CDH13: variants seen among roughly 807,000 people sequenced by gnomAD.
The protein encoded by CDH13 is cadherin-13.
In CDH13, 24 loss-of-function variants were observed where a neutral mutation model predicts 63.8. That is an observed-to-expected ratio of 0.38 (90% CI 0.27 to 0.53). The LOEUF (loss-of-function observed/expected upper bound fraction) is 0.53. CDH13 is among the 20% of genes least tolerant of loss of function. The pLI is 0.85. For missense variants in CDH13, 1,049 were observed against 903.1 expected (o/e 1.16, Z -2.07); for synonymous variants, 503 against 355.3 (o/e 1.42, Z -4.67).
chr16:83,750,137 G>A (rs1463102339), intron 11 of CDH13, among the ~76,000 whole-genome samples: 1 of 151,892 alleles, frequency 6.6e-6, no homozygotes, highest in African/African-American at 2.4e-5. Flanking sequence ...CTCTACTAAA[G>A]ATACAAAAAT....
chr16:83,471,582 C>A (rs541905049), intron 6 of CDH13, among the ~76,000 whole-genome samples: 1 of 152,236 alleles, frequency 6.6e-6, no homozygotes, highest in East Asian at 1.9e-4. Flanking sequence ...CCTTTCTAAC[C>A]ACACTTTTAT....
At chr16:83,715,712 C>A (rs1908795056) in intron 10 of CDH13, among the ~76,000 whole-genome samples, 1 of 152,202 alleles carries the variant, frequency 6.6e-6, no homozygotes, top group African/African-American at 2.4e-5. Context: ...TCGGTGCCAA[C>A]TGTCAGCCCA....
intron 3 of CDH13, among the ~76,000 whole-genome samples, chr16:83,106,868 T>C (rs2034790309): frequency 6.6e-6 from 1 of 152,204 alleles, no homozygotes; most frequent in Admixed American, 6.5e-5. Context: ...TTTTGGAGTT[T>C]CTCTGATGAA....
intron 5 of CDH13, among the ~76,000 whole-genome samples, chr16:83,323,544 G>A (rs2090288290): frequency 6.6e-6 from 1 of 151,910 alleles, no homozygotes; most frequent in Non-Finnish European, 1.5e-5. Flanking sequence ...GCCTCCCAAA[G>A]TGCTGGGATT....
chr16:83,547,457 T>C (rs1033398820), intron 7 of CDH13, among the ~76,000 whole-genome samples: 1 of 152,190 alleles, frequency 6.6e-6, no homozygotes, highest in African/African-American at 2.4e-5. Flanking sequence ...TCTCCCACCA[T>C]CTACCCTCAA....
chr16:83,412,029 T>C (rs368895818), intron 6 of CDH13, among the ~76,000 whole-genome samples: 1 of 152,184 alleles, frequency 6.6e-6, no homozygotes, highest in East Asian at 1.9e-4. Flanking sequence ...TGGATGTTTG[T>C]GAAGGAGGCA....
intron 7 of CDH13, among the ~76,000 whole-genome samples, chr16:83,504,615 A>T (rs1478653875): frequency 6.6e-6 from 1 of 152,138 alleles, no homozygotes; most frequent in Non-Finnish European, 1.5e-5. Context: ...TGCTGTGCCC[A>T]TTCTCAGTGC....
chr16:83,133,955 A>T (rs1391381127), intron 4 of CDH13, among the ~76,000 whole-genome samples: 4 of 152,238 alleles, frequency 2.6e-5, no homozygotes, highest in Admixed American at 6.5e-5. Context: ...TAGCGACTCA[A>T]ATATTCTCTG....
At chr16:83,318,628 G>A (rs971567016) in intron 5 of CDH13, among the ~76,000 whole-genome samples, 18 of 152,168 alleles carry the variant, frequency 1.2e-4, no homozygotes, top group South Asian at 2.1e-4. Context: ...GTGGCAGTTC[G>A]TGGCTTTAAT....
At chr16:83,134,565 G>A (rs947847710) in intron 4 of CDH13, among the ~76,000 whole-genome samples, 1 of 122,052 alleles carries the variant, frequency 8.2e-6, no homozygotes, top group East Asian at 2.2e-4. Flanking sequence ...GAGAGAGAGA[G>A]AGAGAGAGAG....
intron 1 of CDH13, among the ~76,000 whole-genome samples, chr16:82,781,882 G>C (rs141100563): frequency 5.3e-5 from 8 of 152,328 alleles, no homozygotes; most frequent in African/African-American, 1.9e-4. Context: ...TGTGCTCAGT[G>C]CACCTACAGA....
intron 2 of CDH13, among the ~76,000 whole-genome samples, chr16:83,002,339 C>T (rs1239430112): frequency 1.3e-5 from 2 of 152,132 alleles, no homozygotes; most frequent in Non-Finnish European, 2.9e-5. Flanking sequence ...GTGATGTGGC[C>T]TCAAGCCAAG....
At chr16:83,755,066 A>G (rs2150980577) in intron 11 of CDH13, among the ~76,000 whole-genome samples, 1 of 152,320 alleles carries the variant, frequency 6.6e-6, no homozygotes, top group South Asian at 2.1e-4. Context: ...AAGAACATTA[A>G]AATAAACATG....
At chr16:83,359,563 T>C (rs2091122637) in intron 6 of CDH13, among the ~76,000 whole-genome samples, 1 of 152,174 alleles carries the variant, frequency 6.6e-6, no homozygotes, top group African/African-American at 2.4e-5. Context: ...AATTTGAGCC[T>C]CTATTTCCTC....
intron 2 of CDH13, among the ~76,000 whole-genome samples, chr16:82,888,991 A>G (rs57863391): frequency 0.37 from 56,661 of 151,510 alleles, 11,437 homozygotes; most frequent in East Asian, 0.79. Context: ...TCCTGAACTA[A>G]CAGTTTGCCT....
intron 8 of CDH13, among the ~76,000 whole-genome samples, chr16:83,602,925 C>T (rs1234313502): frequency 6.6e-6 from 1 of 152,138 alleles, no homozygotes; most frequent in Non-Finnish European, 1.5e-5. Flanking sequence ...GTGATTTTAG[C>T]ATAACAATAA....
chr16:83,497,255 C>T (rs1001474264), intron 7 of CDH13, among the ~76,000 whole-genome samples: 10 of 151,836 alleles, frequency 6.6e-5, no homozygotes, highest in Non-Finnish European at 1.3e-4. Context: ...AGACTTGGAA[C>T]CAACCCAAAT....
intron 5 of CDH13, among the ~76,000 whole-genome samples, chr16:83,338,999 C>G (rs1037604295): frequency 6.6e-6 from 1 of 152,098 alleles, no homozygotes; most frequent in African/African-American, 2.4e-5. Context: ...CCTGGAAGCC[C>G]TATAGAAAAC....
chr16:83,425,917 C>T (rs909726419), intron 6 of CDH13, among the ~76,000 whole-genome samples: 1 of 151,962 alleles, frequency 6.6e-6, no homozygotes, highest in Admixed American at 6.6e-5. Flanking sequence ...ATTGAACCAC[C>T]CCAATTAAGC....
Sources: allele counts gnomAD v4.1 joint callset (sites outside exome capture counted in the v4.1 genomes callset), GRCh38; gene constraint gnomAD v4.1.1; transcripts MANE v1.5; gene names NCBI Gene and HGNC (gene_info 2026-07-23, HGNC 2026-07-21).